QSOX1: variants seen among roughly 807,000 people sequenced by gnomAD.
QSOX1 encodes the protein quiescin sulfhydryl oxidase 1, also known as sulfhydryl oxidase 1.
QSOX1 carries 40 observed loss-of-function variants against 76.1 expected under a neutral mutation model. That is an observed-to-expected ratio of 0.53 (90% CI 0.41 to 0.68). The LOEUF (loss-of-function observed/expected upper bound fraction) is 0.68, where lower values mean the gene tolerates loss of function less well. Among genes scored for constraint, QSOX1 ranks in the 30% least tolerant of loss-of-function variants. QSOX1 has a pLI of 0.00. For synonymous variants in QSOX1, 392 were observed against 413.1 expected (o/e 0.95, Z 0.62); for missense variants, 931 against 974.3 (o/e 0.96, Z 0.59).
At chr1:180,194,621 C>G (rs1277135061) in intron 11 of QSOX1, among the ~76,000 whole-genome samples, 1 of 152,238 alleles carries the variant, frequency 6.6e-6, no homozygotes, top group Non-Finnish European at 1.5e-5. Flanking sequence ...CACTTTTTCC[C>G]TGCTCTAGGG....
At chr1:180,163,192 T>G (rs1382867205) in intron 1 of QSOX1, among the ~76,000 whole-genome samples, 1 of 152,134 alleles carries the variant, frequency 6.6e-6, no homozygotes, top group Non-Finnish European at 1.5e-5. Context: ...TGAAGTTCTT[T>G]TCTCTTCACA....
chr1:180,173,676 C>G (rs1662813208), intron 2 of QSOX1, among the ~76,000 whole-genome samples: 1 of 152,094 alleles, frequency 6.6e-6, no homozygotes, highest in African/African-American at 2.4e-5. Flanking sequence ...TCCAGATTTT[C>G]TGCCTACAAA....
chr1:180,187,027 G>T (rs1460357606), intron 8 of QSOX1, among the ~76,000 whole-genome samples: 7 of 152,232 alleles, frequency 4.6e-5, no homozygotes, highest in African/African-American at 1.4e-4. Context: ...CGCTGGCTCA[G>T]CCTCCCTTGG....
In QSOX1 at chr1:180,196,733, C is replaced by G; in HGVS notation, c.1940C>G (p.Thr647Arg). ...CAGTGGCACTTGAGCAAGCGAGACACAGGGGCTGCATTGCTGGCTGAGTCC... is the reference window on the plus strand; with the variant it reads ...CAGTGGCACTTGAGCAAGCGAGACAGAGGGGCTGCATTGCTGGCTGAGTCC... ...LGQWHLSKRD[T>R]GAALLAESRA... Residue 647 changes from threonine to arginine, a missense_variant, in exon 12 of 12, where the codon ACA (threonine) becomes AGA (arginine). By Grantham distance (71) the Thr-to-Arg change is moderately conservative. Transcript: ENST00000367602. The surrounding 1 kb of genome is among the most constrained non-coding windows in gnomAD (Gnocchi z 4.1). 2 of 1,614,134 alleles carry G rather than the reference C, an allele frequency of 1.2e-6. No individual in the cohort carries two copies. Among genetic ancestry groups the G allele is most frequent in the African/African-American group, 1.3e-5 (1 of 75,074 alleles).
At chr1:180,190,789 G>A (rs1435370457) in intron 10 of QSOX1, among the ~76,000 whole-genome samples, 1 of 152,194 alleles carries the variant, frequency 6.6e-6, no homozygotes, top group African/African-American at 2.4e-5. Flanking sequence ...CCAGGAGGGA[G>A]CAGACTTTAG....
intron 11 of QSOX1, among the ~76,000 whole-genome samples, chr1:180,195,198 G>T (rs1398306745): frequency 6.6e-6 from 1 of 152,110 alleles, no homozygotes; most frequent in Non-Finnish European, 1.5e-5. Flanking sequence ...ACCTCGGCAG[G>T]CTCCCAGCTG....
At chr1:180,164,990 CA>C (rs1662580093) in intron 1 of QSOX1, among the ~76,000 whole-genome samples, 1 of 152,142 alleles carries the variant, frequency 6.6e-6, no homozygotes, top group Non-Finnish European at 1.5e-5. Context: ...AGTGAGAACT[CA>C]CTCGTTATCA....
chr1:180,194,209 G>A lies in QSOX1; in HGVS notation c.1289-4G>A, dbSNP rs1663398587. 3 of 1,610,326 alleles carry A rather than the reference G, an allele frequency of 1.9e-6. No homozygotes were observed. Among genetic ancestry groups the A allele is most frequent in the Admixed American group, 1.7e-5 (1 of 59,658 alleles). ...TGGTGCGTGGCATCTCCTCTGCCCT[G>A]TAGCCAAGGCCAAGGAGGTCCTCCC... On this transcript the variant is annotated splice_region_variant and splice_polypyrimidine_tract_variant and intron_variant, in intron 10 of 11. Coordinates refer to ENST00000367602, the MANE Select transcript of QSOX1 (RefSeq NM_002826.5).
intron 5 of QSOX1, among the ~76,000 whole-genome samples, chr1:180,180,164 A>G (rs1662993280): frequency 6.6e-6 from 1 of 152,238 alleles, no homozygotes; most frequent in Non-Finnish European, 1.5e-5. Context: ...TTTCACTTCT[A>G]AGCCTCAGTT....
intron 1 of QSOX1, among the ~76,000 whole-genome samples, chr1:180,163,720 G>A (rs1255045498): frequency 6.6e-6 from 1 of 152,118 alleles, no homozygotes; most frequent in Admixed American, 6.5e-5. Context: ...ATGTGGACAG[G>A]GGCCAAATGA....
At chr1:180,165,635 G>C (rs948781825) in intron 1 of QSOX1, among the ~76,000 whole-genome samples, 1 of 152,236 alleles carries the variant, frequency 6.6e-6, no homozygotes, top group African/African-American at 2.4e-5. Flanking sequence ...TTTGGCCCCT[G>C]CCACTGCCCT....
intron 1 of QSOX1, among the ~76,000 whole-genome samples, chr1:180,164,723 T>C (rs143204965): frequency 1.8e-4 from 28 of 152,308 alleles, no homozygotes; most frequent in African/African-American, 6.3e-4. Flanking sequence ...TTCTGAGACG[T>C]CGTAAGGAGT....
intron 8 of QSOX1, 23 bp downstream of exon 8, chr1:180,186,205 T>C: frequency 6.2e-7 from 1 of 1,601,720 alleles, no homozygotes; most frequent in Non-Finnish European, 8.5e-7. Context: ...ATGGCTTCCC[T>C]TGTCTGTGCA....
At position 180,197,133 on chromosome 1, in the gene QSOX1, C is replaced by T; in HGVS notation, c.*96C>T. 1.5e-6 allele frequency: 1 copy of T among 688,682 alleles called. No homozygotes were observed. The highest frequency in any genetic ancestry group is 2.3e-6 in the Non-Finnish European group (1 of 437,864). 42.7% of individuals were successfully genotyped at this position (688,682 alleles called of 1,614,324 possible). A position where few individuals can be genotyped will look rare whatever the true frequency, so the allele number is the denominator to read the frequency against. ...TCCCCTCCCACCCCTTGCTCCTTGT[C>T]TGGCCTAGAAGTGTGGGAAATTCAG... On this transcript the variant is annotated 3_prime_UTR_variant, in exon 12 of 12. Coordinates refer to ENST00000367602, the MANE Select transcript of QSOX1 (RefSeq NM_002826.5).
chr1:180,166,814 A>G (rs905041443), intron 2 of QSOX1, among the ~76,000 whole-genome samples: 3 of 152,328 alleles, frequency 2.0e-5, no homozygotes, highest in Non-Finnish European at 2.9e-5. Context: ...ATCTAACTCT[A>G]TAAAACCAGG....
In QSOX1 at chr1:180,189,550, A is replaced by G. The variant is rs761692519; in HGVS notation, c.1018-2A>G. ...CCAGCTTCCGCTTGTTCCTCCCCAC[A>G]GTATTTCCCTGGCCGGCCCTTAGTC... is the stretch of plus-strand genomic sequence containing the variant. On this transcript the variant is annotated splice_acceptor_variant, in intron 8 of 11. Coordinates refer to ENST00000367602, the MANE Select transcript of QSOX1 (RefSeq NM_002826.5). LOFTEE classifies it high-confidence loss of function. 3 of 1,589,460 alleles carry G rather than the reference A, an allele frequency of 1.9e-6. No individual in the cohort carries two copies. The highest frequency in any genetic ancestry group is 1.4e-5 in the African/African-American group (1 of 73,400).
chr1:180,161,887 G>A (rs1267029268), intron 1 of QSOX1, among the ~76,000 whole-genome samples: 1 of 152,140 alleles, frequency 6.6e-6, no homozygotes. Flanking sequence ...TTATCTCGAA[G>A]TTATCAGAAA....
chr1:180,172,224 A>C (rs1662776721), intron 2 of QSOX1, among the ~76,000 whole-genome samples: 1 of 152,114 alleles, frequency 6.6e-6, no homozygotes, highest in African/African-American at 2.4e-5. Context: ...CTGTAGGCCT[A>C]GTTGGGCGGC....
chr1:180,160,055 A>T (rs769747949), intron 1 of QSOX1, among the ~76,000 whole-genome samples: 1 of 152,136 alleles, frequency 6.6e-6, no homozygotes, highest in African/African-American at 2.4e-5. Context: ...CATTCAGCAG[A>T]GGGCTGCATA....
Sources: allele counts gnomAD v4.1 joint callset (sites outside exome capture counted in the v4.1 genomes callset), GRCh38; gene constraint gnomAD v4.1.1; non-coding constraint Gnocchi (gnomAD v3.1); transcripts MANE v1.5; gene names NCBI Gene and HGNC (gene_info 2026-07-23, HGNC 2026-07-21).